SPG7: variants seen among roughly 807,000 people sequenced by gnomAD.
SPG7 encodes mitochondrial inner membrane m-AAA protease component paraplegin.
In SPG7, 103 loss-of-function variants were observed where a neutral mutation model predicts 81.9. That is an observed-to-expected ratio of 1.26 (90% confidence interval 1.07 to 1.48). SPG7 has a LOEUF of 1.48. Among genes scored for constraint, SPG7 ranks in the 40% most tolerant of loss-of-function variants. The pLI, the probability that SPG7 is intolerant of heterozygous loss-of-function variation, is 0.00. For synonymous variants in SPG7, 534 were observed against 444.2 expected (o/e 1.20, Z -2.54); for missense variants, 1,241 against 1,087.3 (o/e 1.14, Z -1.99).
chr16:89,514,109 G>T (rs575224750), intron 3 of SPG7, among the ~76,000 whole-genome samples: 2 of 152,142 alleles, frequency 1.3e-5, no homozygotes, highest in African/African-American at 2.4e-5. Flanking sequence ...CCAGTGTTTC[G>T]CAGGTGGATT....
Position 89,552,977 on chromosome 16 carries a change from A to G in SPG7, c.1780-2A>G. 1 of 1,613,654 alleles carries G rather than the reference A, an allele frequency of 6.2e-7. No individual in the cohort carries two copies. The highest frequency in any genetic ancestry group is 1.1e-5 in the South Asian group (1 of 91,054). On this transcript the variant is annotated splice_acceptor_variant, in intron 13 of 16. Transcript: ENST00000645818. LOFTEE classifies it high-confidence loss of function. ...ACCTGGGTCATCTTGACCTTGTGCC[A>G]GGTCTCCATAACCCCTCGGACAAAC...
At position 89,523,967 on chromosome 16, in the gene SPG7, A is replaced by C. The variant is rs1192753029; in HGVS notation, c.377-39A>C. On this transcript the variant is annotated intron_variant, in intron 3 of 16. Transcript: ENST00000645818. ...TGGATGTCGCCCGTGTCTGTTGCTCATGTGTTTGTTTCTCCCTTTTGCTTC... is the reference window on the plus strand; with the variant it reads ...TGGATGTCGCCCGTGTCTGTTGCTCCTGTGTTTGTTTCTCCCTTTTGCTTC... 1 of 1,607,718 alleles carries C rather than the reference A, an allele frequency of 6.2e-7. No homozygotes were observed. The highest frequency in any genetic ancestry group is 8.5e-7 in the Non-Finnish European group (1 of 1,179,652).
chr16:89,529,644 A>G (rs1043866196), intron 6 of SPG7, 65 bp downstream of exon 6: 6 of 1,225,192 alleles, frequency 4.9e-6, no homozygotes, highest in South Asian at 1.3e-5. Context: ...TACTTTTCCC[A>G]TAAGCTATAC....
At chr16:89,513,201 T>A (rs765608100) in intron 3 of SPG7, among the ~76,000 whole-genome samples, 164 bp downstream of exon 3, 1 of 152,058 alleles carries the variant, frequency 6.6e-6, no homozygotes, top group Non-Finnish European at 1.5e-5. Flanking sequence ...GGTGGAAGGA[T>A]CACTTGAGGC....
intron 3 of SPG7, chr16:89,517,616 C>A (rs896306867): frequency 1.5e-5 from 2 of 130,324 alleles, no homozygotes; most frequent in Non-Finnish European, 3.3e-5. Flanking sequence ...TTGTCGTCGT[C>A]TTTTTTTTTT....
chr16:89,515,618 T>C (rs896994006), intron 3 of SPG7, among the ~76,000 whole-genome samples: 9 of 148,794 alleles, frequency 6.0e-5, no homozygotes, highest in Admixed American at 5.3e-4. Context: ...CTCACACCTG[T>C]AATCTGAGCA....
intron 9 of SPG7, chr16:89,540,610 C>G (rs766863495): frequency 1.3e-5 from 2 of 153,188 alleles, no homozygotes; most frequent in East Asian, 3.9e-4. Flanking sequence ...ACTCAAAAAA[C>G]AGTGACAACA....
chr16:89,516,877 TAAGA>T (rs975379766), intron 3 of SPG7: 3 of 144,466 alleles, frequency 2.1e-5, no homozygotes, highest in Non-Finnish European at 4.6e-5. Context: ...AAAAAAAAAT[TAAGA>T]AAGAAAAAAG....
chr16:89,554,956 C>T (rs1467161218), intron 16 of SPG7: 2 of 249,232 alleles, frequency 8.0e-6, no homozygotes, highest in Non-Finnish European at 1.6e-5. Context: ...TGCTCTGTCA[C>T]CCAGGCTGGA....
Position 89,531,980 on chromosome 16 carries a change from A to G in SPG7, c.1064A>G (p.Lys355Arg). Residue 355 changes from lysine (K) to arginine (R), a missense_variant, in exon 8 of 17, where the codon AAG becomes AGG. By Grantham distance (26) the Lys-to-Arg change is conservative. Transcript: ENST00000645818. Reference sequence around the variant, plus strand: ...CTGCTCGGCCCCCCCGGCTGTGGGAAGACGCTGCTGGCCAAGGCGGTGGCC... The same window carrying G: ...CTGCTCGGCCCCCCCGGCTGTGGGAGGACGCTGCTGGCCAAGGCGGTGGCC... ...ALLLGPPGCG[K>R]TLLAKAVATE... is the part of the protein sequence containing the mutation. The G allele has an allele frequency of 1.2e-6, 2 of 1,613,944 alleles. No individual in the cohort carries two copies. The highest frequency in any genetic ancestry group is 1.1e-5 in the South Asian group (1 of 91,078).
At position 89,512,939 on chromosome 16, in the gene SPG7, T is replaced by A. The variant is rs1429034421; in HGVS notation, c.287-9T>A. On this transcript the variant is annotated splice_polypyrimidine_tract_variant and intron_variant, in intron 2 of 16. Transcript: ENST00000645818. ...CTTAATTGTTAAATCCTTTCTCTAT[T>A]TCTCATAGGTGGTACTTTCTATTTT... is the stretch of plus-strand genomic sequence containing the variant. The A allele has an allele frequency of 6.2e-7, 1 of 1,612,680 alleles. No homozygotes were observed. The highest frequency in any genetic ancestry group is 1.7e-4 in the Middle Eastern group (1 of 6,058).
At chr16:89,536,866 G>A in intron 9 of SPG7, 2 of 1,614,166 alleles carry the variant, frequency 1.2e-6, no homozygotes, top group Middle Eastern at 1.6e-4. Context: ...GTCACGGAGG[G>A]CAATGGAGGG....
At chr16:89,554,047 GC>G in intron 15 of SPG7, 87 bp downstream of exon 15, 1 of 1,458,414 alleles carries the variant, frequency 6.9e-7, no homozygotes, top group Non-Finnish European at 9.4e-7. Context: ...GCCCACGGCC[GC>G]CCCAGCGGAG....
At chr16:89,513,324 C>G (rs2058047459) in intron 3 of SPG7, among the ~76,000 whole-genome samples, 1 of 151,916 alleles carries the variant, frequency 6.6e-6, no homozygotes, top group Non-Finnish European at 1.5e-5. Flanking sequence ...CACCTGCACC[C>G]TGGCCAACAT....
chr16:89,551,789 G>GTAGAGGCACAA (rs1457614461), intron 13 of SPG7: 1 of 152,166 alleles, frequency 6.6e-6, no homozygotes, highest in East Asian at 1.9e-4. Flanking sequence ...CACTTGAGAG[G>GTAGAGGCACAA]TAGAGGCACA....
intron 16 of SPG7, chr16:89,556,457 A>T: frequency 3.2e-6 from 1 of 308,208 alleles, no homozygotes; most frequent in Non-Finnish European, 6.1e-6. Context: ...GTTTTCCAGG[A>T]TCCCACCTAG....
Position 89,530,695 on chromosome 16 carries a change from A to G in SPG7, c.874A>G (p.Met292Val), listed in dbSNP as rs746593826. ...TCTTTCTGCACAGAATCAGCTTAAAATGGCTCGTTTCACCATTGTGGATGG... is the reference window on the plus strand; with the variant it reads ...TCTTTCTGCACAGAATCAGCTTAAAGTGGCTCGTTTCACCATTGTGGATGG... ...GGFSAFNQLK[M>V]ARFTIVDGKM... The change falls in exon 7 of 17, where the codon ATG (methionine) becomes GTG (valine). Residue 292 changes from methionine to valine, a missense_variant. Coordinates refer to ENST00000645818, the MANE Select transcript of SPG7 (RefSeq NM_003119.4). 3.1e-6 allele frequency: 5 copies of G among 1,614,016 alleles called. No homozygotes were observed. In the African/African-American group the frequency reaches 6.7e-5, roughly 22 times the overall value.
rs1482909903 is a variant in SPG7, at chr16:89,508,579, G to A, written c.162G>A (p.Glu54=). 1.3e-6 allele frequency: 2 copies of A among 1,485,552 alleles called. No homozygotes were observed. Among genetic ancestry groups the A allele is most frequent in the South Asian group, 1.3e-5 (1 of 77,972 alleles). 92.0% of individuals were successfully genotyped at this position (1,485,552 alleles called of 1,614,324 possible). A position where few individuals can be genotyped will look rare whatever the true frequency, so the allele number is the denominator to read the frequency against. Residue 54 remains glutamate (E), a synonymous_variant, in exon 1 of 17, where the codon GAG becomes GAA. Coordinates refer to ENST00000645818, the MANE Select transcript of SPG7 (RefSeq NM_003119.4). ...MASRPPGDLA[E]AGGRALQSLQ... is the part of the protein sequence containing the mutation. ...GCAGGCCTCCGGGGGACCTCGCCGAGGCTGGAGGCCGAGCTCTGCAGGTAA... is the reference window on the plus strand; with the variant it reads ...GCAGGCCTCCGGGGGACCTCGCCGAAGCTGGAGGCCGAGCTCTGCAGGTAA...
intron 16 of SPG7, 187 bp downstream of exon 16, chr16:89,554,750 G>A (rs938440041): frequency 4.6e-5 from 28 of 605,336 alleles, no homozygotes; most frequent in Non-Finnish European, 7.3e-5. Context: ...AACTCGTCAA[G>A]TGTGTTCCCC....
Sources: allele counts gnomAD v4.1 joint callset (sites outside exome capture counted in the v4.1 genomes callset), GRCh38; gene constraint gnomAD v4.1.1; transcripts MANE v1.5; gene names NCBI Gene and HGNC (gene_info 2026-07-23, HGNC 2026-07-21).